Variants in SHPRH observed in about 807,000 individuals in gnomAD.
The protein encoded by SHPRH is E3 ubiquitin-protein ligase SHPRH.
SHPRH carries 106 observed loss-of-function variants against 202.5 expected under a neutral mutation model. The observed-to-expected ratio is 0.52, with a 90% CI of 0.45 to 0.62. SHPRH has a LOEUF of 0.62. Among genes scored for constraint, SHPRH ranks in the 20% least tolerant of loss-of-function variants. The pLI, the probability that SHPRH is intolerant of heterozygous loss-of-function variation, is 0.00. For missense variants in SHPRH, 1,710 were observed against 2,020.0 expected (o/e 0.85, Z 2.94); for synonymous variants, 729 against 686.0 (o/e 1.06, Z -0.98).
intron 14 of SHPRH, among the ~76,000 whole-genome samples, chr6:145,930,465 T>C (rs1056866394): frequency 2.6e-5 from 4 of 152,182 alleles, no homozygotes; most frequent in African/African-American, 9.6e-5. Flanking sequence ...TCAAAGTATC[T>C]CCTACTTTCC....
intron 2 of SHPRH, among the ~76,000 whole-genome samples, chr6:145,870,563 C>CA (rs576217553): frequency 7.9e-5 from 12 of 152,234 alleles, no homozygotes; most frequent in Non-Finnish European, 1.5e-4. Flanking sequence ...CGCCTGGCCT[C>CA]AGATTTTCTA....
At chr6:145,891,036 C>A (rs1781526153) in intron 28 of SHPRH, among the ~76,000 whole-genome samples, 1 of 152,136 alleles carries the variant, frequency 6.6e-6, no homozygotes, top group Admixed American at 6.6e-5. Flanking sequence ...CTCCCCTTCA[C>A]TCCCACCCTA....
rs1434337569 is a variant in SHPRH at position 145,943,940 on chromosome 6, G to A, written c.1579-138C>T. 7.4e-6 allele frequency: 6 copies of A among 805,816 alleles called. No homozygotes were observed. The East Asian group carries it at 1.6e-4, about 22-fold the overall frequency. The allele number at this position is 805,816 out of a possible 1,614,324, so 49.9% of individuals were successfully genotyped here. On this transcript the variant is annotated intron_variant, in intron 8 of 29. Transcript: ENST00000275233. ...CTTTTCCCTGAGGAGAATCACTCCT[G>A]ATAAGTGGCTTCCAATCTGCCCTCT...
chr6:145,951,986 G>A, intron 3 of SHPRH: 2 of 437,766 alleles, frequency 4.6e-6, no homozygotes, highest in Non-Finnish European at 9.3e-6. Flanking sequence ...GAAATTATTT[G>A]TCAGACTGCA....
chr6:145,885,204 G>A lies in SHPRH; in HGVS notation c.*1487C>T, dbSNP rs1780893304. ...TTAATTATATCAACTTCACAAGATT[G>A]TTGGGTAAATTAAACACGTAAATGT... On this transcript the variant is annotated 3_prime_UTR_variant, in exon 30 of 30. Coordinates refer to ENST00000275233, the MANE Select transcript of SHPRH (RefSeq NM_001042683.3). 6.6e-6 allele frequency: 1 copy of A among 152,132 alleles called. No homozygotes were observed. Among genetic ancestry groups the A allele is most frequent in the Non-Finnish European group, 1.5e-5 (1 of 67,994 alleles). The allele number at this position is 152,132 out of a possible 1,614,324, so 9.4% of individuals were successfully genotyped here. A position where few individuals can be genotyped will look rare whatever the true frequency, so the allele number is the denominator to read the frequency against.
intron 9 of SHPRH, 113 bp downstream of exon 9, chr6:145,943,030 A>T (rs1161789436): frequency 1.6e-6 from 2 of 1,240,914 alleles, no homozygotes; most frequent in African/African-American, 3.0e-5. Flanking sequence ...CATTACTATT[A>T]AATCATTCAG....
Position 145,947,657 on chromosome 6 carries a change from C to A in SHPRH, c.1062-14G>T. 6.2e-7 allele frequency: 1 copy of A among 1,610,696 alleles called. No individual in the cohort carries two copies. Among genetic ancestry groups the A allele is most frequent in the Non-Finnish European group, 8.5e-7 (1 of 1,178,208 alleles). On this transcript the variant is annotated splice_polypyrimidine_tract_variant and intron_variant, in intron 5 of 29. Transcript: ENST00000275233. ...TCACGAATGATGCTGAGGAAAAAAACAAGATAAATCACATCATAGGAATGT... is the reference window on the plus strand; with the variant it reads ...TCACGAATGATGCTGAGGAAAAAAAAAAGATAAATCACATCATAGGAATGT...
At chr6:145,952,805 G>A (rs1362270113) in intron 2 of SHPRH, among the ~76,000 whole-genome samples, 1 of 152,052 alleles carries the variant, frequency 6.6e-6, no homozygotes, top group South Asian at 2.1e-4. Flanking sequence ...AATCAGTCAA[G>A]TTTGTTAAAA....
At chr6:145,913,631 A>C in intron 23 of SHPRH, 82 bp from the exon 24 acceptor site, 2 of 1,091,256 alleles carry the variant, frequency 1.8e-6, no homozygotes, top group Non-Finnish European at 2.7e-6. Flanking sequence ...TCATTTATGG[A>C]AGTGAATACT....
chr6:145,907,591 T>A (rs987427149), intron 25 of SHPRH: 14 of 152,148 alleles, frequency 9.2e-5, no homozygotes, highest in South Asian at 4.1e-4. Flanking sequence ...CTCCTTGCTT[T>A]CTACACTTCA....
intron 2 of SHPRH, among the ~76,000 whole-genome samples, chr6:145,871,870 T>C (rs1220628851): frequency 2.6e-5 from 4 of 152,028 alleles, no homozygotes; most frequent in East Asian, 3.9e-4. Context: ...TGGAAAAGAA[T>C]AGAGAATACA....
chr6:145,866,992 T>C (rs1321043447), intron 2 of SHPRH, among the ~76,000 whole-genome samples: 1 of 152,166 alleles, frequency 6.6e-6, no homozygotes, highest in Admixed American at 6.6e-5. Context: ...CACTTCAAGG[T>C]TGCCAACAGA....
intron 25 of SHPRH, chr6:145,906,857 T>C (rs1403272370): frequency 6.6e-6 from 1 of 152,156 alleles, no homozygotes; most frequent in Non-Finnish European, 1.5e-5. Context: ...TTAGTCCACA[T>C]TGTAGTTGAT....
At chr6:145,927,082 C>T in intron 15 of SHPRH, 107 bp downstream of exon 15, 1 of 947,694 alleles carries the variant, frequency 1.1e-6, no homozygotes, top group Non-Finnish European at 1.6e-6. Context: ...AAGTTTCACC[C>T]AGTGATTATG....
In SHPRH at chr6:145,926,077, C is replaced by A. The variant is rs1784851607; in HGVS notation, c.3294+127G>T. 1.4e-5 allele frequency: 13 copies of A among 906,632 alleles called. No individual in the cohort carries two copies. In the East Asian group the frequency reaches 3.5e-4, roughly 24 times the overall value. The allele number at this position is 906,632 out of a possible 1,614,324, so 56.2% of individuals were successfully genotyped here. Reference sequence around the variant, plus strand: ...CCCAAAATCACAACAAAATTCGAAACATCAAAGTAACAGGAAAACATGATT... The same window carrying A: ...CCCAAAATCACAACAAAATTCGAAAAATCAAAGTAACAGGAAAACATGATT... On this transcript the variant is annotated intron_variant, in intron 16 of 29. Coordinates refer to ENST00000275233, the MANE Select transcript of SHPRH (RefSeq NM_001042683.3).
At chr6:145,962,355 C>T (rs1165324263) in intron 1 of SHPRH, among the ~76,000 whole-genome samples, 1 of 152,174 alleles carries the variant, frequency 6.6e-6, no homozygotes, top group Admixed American at 6.5e-5. Context: ...TCTCTAATTC[C>T]GTGGATGTAT....
chr6:145,934,473 T>TAAATAAAATAAAATAAAATA (rs71552941), intron 13 of SHPRH, among the ~76,000 whole-genome samples: 6,256 of 131,816 alleles, frequency 0.047, 208 homozygotes, highest in Middle Eastern at 0.063. Context: ...TCTCAAAAAA[T>TAAATAAAATAAAATAAAATA]AAATAAAATA....
At chr6:145,926,523 G>A (rs549385823) in intron 15 of SHPRH, among the ~76,000 whole-genome samples, 1 of 151,762 alleles carries the variant, frequency 6.6e-6, no homozygotes, top group African/African-American at 2.4e-5. Context: ...CAGAATATCA[G>A]ATTTATATTT....
At chr6:145,906,161 C>T (rs1782939567) in intron 25 of SHPRH, 1 of 151,896 alleles carries the variant, frequency 6.6e-6, no homozygotes, top group Admixed American at 6.6e-5. Context: ...TTTTTGAGCC[C>T]CCTGAAGCCC....
Sources: allele counts gnomAD v4.1 joint callset (sites outside exome capture counted in the v4.1 genomes callset), GRCh38; gene constraint gnomAD v4.1.1; transcripts MANE v1.5; gene names NCBI Gene and HGNC (gene_info 2026-07-23, HGNC 2026-07-21).